The following PSMD14 variants were observed in gnomAD, a reference collection of about 807,000 sequenced individuals.
PSMD14 encodes the protein proteasome 26S subunit, non-ATPase 14.
Under a neutral mutation model 41.2 loss-of-function variants are expected in PSMD14, and 7 were observed. That is an observed-to-expected ratio of 0.17 (90% confidence interval 0.10 to 0.32). The LOEUF is 0.32. PSMD14 is among the 10% of genes least tolerant of loss of function. The probability of loss-of-function intolerance (pLI) is 1.00; values close to 1 mark genes in which losing one functional copy is unlikely to be tolerated. For missense variants in PSMD14, 139 were observed against 375.6 expected (o/e 0.37, Z 5.21); for synonymous variants, 114 against 122.3 (o/e 0.93, Z 0.45).
At chr2:161,364,750 TCTCTA>T (rs990738606) in intron 3 of PSMD14, among the ~76,000 whole-genome samples, 34 of 152,290 alleles carry the variant, frequency 2.2e-4, no homozygotes, top group Admixed American at 1.9e-3. Flanking sequence ...GTACCAACCT[TCTCTA>T]GTTCTTGCCC....
In PSMD14 at chr2:161,308,582, A is replaced by T. The variant is rs1017636605; in HGVS notation, c.-160A>T. On this transcript the variant is annotated 5_prime_UTR_variant, in exon 1 of 12. Transcript: ENST00000409682. ...GCAAGACAAGGGTCCATATCGCGGC[A>T]TCCGGCTCCCGCCCGTCTTCAGGTA... 2 of 152,314 alleles carry T rather than the reference A, an allele frequency of 1.3e-5. No individual in the cohort carries two copies. The highest frequency in any genetic ancestry group is 6.5e-5 in the Admixed American group (1 of 15,286). The allele number at this position is 152,314 out of a possible 1,614,324, so 9.4% of individuals were successfully genotyped here. A position where few individuals can be genotyped will look rare whatever the true frequency, so the allele number is the denominator to read the frequency against.
At chr2:161,391,285 T>G in intron 9 of PSMD14, 107 bp downstream of exon 9, 1 of 1,116,708 alleles carries the variant, frequency 9.0e-7, no homozygotes, top group Non-Finnish European at 1.2e-6. Flanking sequence ...CTTTCAGTGT[T>G]TCCAAATATT....
intron 4 of PSMD14, 93 bp downstream of exon 4, chr2:161,367,642 A>G (rs1683376974): frequency 4.2e-6 from 6 of 1,417,612 alleles, no homozygotes; most frequent in Non-Finnish European, 5.8e-6. Flanking sequence ...ATCCTCTCAG[A>G]CATAAATAAG....
At chr2:161,368,212 A>G (rs747352565) in intron 5 of PSMD14, among the ~76,000 whole-genome samples, 1 of 151,806 alleles carries the variant, frequency 6.6e-6, no homozygotes, top group Admixed American at 6.6e-5. Context: ...TGTTAGTTTG[A>G]TTTTGAACCA....
At chr2:161,343,892 C>G in intron 3 of PSMD14, among the ~76,000 whole-genome samples, 1 of 152,038 alleles carries the variant, frequency 6.6e-6, no homozygotes, top group East Asian at 1.9e-4. Context: ...GGTAGCCCTC[C>G]TTATCCATGG....
At chr2:161,392,461 C>G (rs930129862) in intron 9 of PSMD14, among the ~76,000 whole-genome samples, 8 of 152,142 alleles carry the variant, frequency 5.3e-5, no homozygotes, top group African/African-American at 1.9e-4. Context: ...ACGCTTACCC[C>G]CTCTTTCAAC....
intron 11 of PSMD14, among the ~76,000 whole-genome samples, chr2:161,410,503 T>C (rs1378896418): frequency 2.6e-5 from 4 of 152,046 alleles, no homozygotes; most frequent in Admixed American, 2.0e-4. Flanking sequence ...GAAATTTTGC[T>C]CAAATACTTA....
intron 7 of PSMD14, chr2:161,382,436 C>T (rs1450586628): frequency 6.6e-6 from 1 of 151,800 alleles, no homozygotes; most frequent in Non-Finnish European, 1.5e-5. Context: ...TATAAACTAT[C>T]ATATGCTGCA....
At position 161,391,092 on chromosome 2, in the gene PSMD14, TTATC is replaced by T. The variant is rs761125467; in HGVS notation, c.571-8_571-5del. 4.8e-5 allele frequency: 70 copies of T among 1,461,472 alleles called. No individual in the cohort carries two copies. Among genetic ancestry groups the T allele is most frequent in the South Asian group, 4.2e-4 (28 of 67,100 alleles). 90.5% of individuals were successfully genotyped at this position (1,461,472 alleles called of 1,614,324 possible). ...ATTAATTTGTCCTTTTTAAAATCAT[TTATC>T]TATATAGGCATTAATTCATGGACTA... On this transcript the variant is annotated splice_region_variant and splice_polypyrimidine_tract_variant and intron_variant, in intron 8 of 11. Transcript: ENST00000409682.
intron 3 of PSMD14, chr2:161,340,979 C>T (rs1682947246): frequency 6.2e-7 from 1 of 1,612,486 alleles, no homozygotes; most frequent in African/African-American, 1.3e-5. Flanking sequence ...AGTCCTGCTC[C>T]TCTTCCTGCC....
At chr2:161,364,848 A>T (rs972498287) in intron 3 of PSMD14, among the ~76,000 whole-genome samples, 1 of 152,132 alleles carries the variant, frequency 6.6e-6, no homozygotes, top group East Asian at 1.9e-4. Context: ...TCACGCCTGT[A>T]ATGCTAGCAC....
At chr2:161,384,308 A>T (rs1683606922) in intron 7 of PSMD14, 1 of 151,652 alleles carries the variant, frequency 6.6e-6, no homozygotes, top group Non-Finnish European at 1.5e-5. Flanking sequence ...CATCATAGCA[A>T]TCTTTTACAA....
chr2:161,382,343 T>A (rs1212441442), intron 7 of PSMD14: 1 of 151,866 alleles, frequency 6.6e-6, no homozygotes, highest in East Asian at 1.9e-4. Context: ...AGACTGAGTG[T>A]ATGAAATAGG....
rs115090820 is a variant in PSMD14 at position 161,407,356 on chromosome 2, T to C, written c.772-1481T>C. On this transcript the variant is annotated intron_variant, in intron 10 of 11. Transcript: ENST00000409682. ...GCATATTCTCTGTCTAGATTTGGCA[T>C]GTTATTAACTTTTTCTTCTTTCGGG... Among the ~76,000 whole-genome samples the C allele has an allele frequency of 1.3e-3, 192 of 152,270 alleles. 1 individual carries two copies. The highest frequency in any genetic ancestry group is 2.3e-3 in the Non-Finnish European group (154 of 67,984).
chr2:161,326,261 C>T (rs1043483711), intron 3 of PSMD14, among the ~76,000 whole-genome samples: 7 of 152,206 alleles, frequency 4.6e-5, no homozygotes, highest in Admixed American at 4.6e-4. Flanking sequence ...GAACTTCTGA[C>T]CTCAATTGAT....
chr2:161,340,840 C>G, intron 3 of PSMD14: 1 of 1,613,972 alleles, frequency 6.2e-7, no homozygotes, highest in Non-Finnish European at 8.5e-7. Flanking sequence ...TGCTCCTCCT[C>G]CAGCTCCTCT....
chr2:161,407,467 C>T (rs930032170), intron 10 of PSMD14: 21 of 152,074 alleles, frequency 1.4e-4, no homozygotes, highest in African/African-American at 4.8e-4. Context: ...TATTCACTAT[C>T]TTTTCTCTTT....
intron 3 of PSMD14, among the ~76,000 whole-genome samples, chr2:161,345,780 C>G (rs1683033205): frequency 6.6e-6 from 1 of 152,084 alleles, no homozygotes; most frequent in Admixed American, 6.6e-5. Context: ...CCAGGAATCC[C>G]AAAGATATTT....
At chr2:161,359,992 G>A (rs928572636) in intron 3 of PSMD14, among the ~76,000 whole-genome samples, 1 of 151,998 alleles carries the variant, frequency 6.6e-6, no homozygotes, top group African/African-American at 2.4e-5. Context: ...GAATACTTAA[G>A]TATTATTTGT....
Sources: gnomAD v4.1 joint callset for allele counts (sites outside exome capture counted in the v4.1 genomes callset) on GRCh38, gnomAD v4.1.1 for gene constraint, MANE v1.5 for transcripts, NCBI Gene and HGNC (gene_info 2026-07-23, HGNC 2026-07-21) for gene names.